TEKTL1: variants seen among roughly 807,000 people sequenced by gnomAD.
TEKTL1 encodes the protein tektin-like protein 1.
chr19:15,013,801 A>C, the TEKTL1 span: 8 of 1,502,636 alleles, frequency 5.3e-6, no homozygotes, highest in Non-Finnish European at 7.4e-6. Context: ...TGGACAAGTT[A>C]CGGGGGCTGG....
the TEKTL1 span, chr19:15,023,058 T>C: frequency 5.6e-6 from 9 of 1,611,672 alleles, no homozygotes; most frequent in Admixed American, 1.2e-4. Context: ...GCGCAGCGCC[T>C]GGTTAAGGAC....
At chr19:15,022,014 A>C in the TEKTL1 span, 1 of 977,576 alleles carries the variant, frequency 1.0e-6, no homozygotes, top group Non-Finnish European at 1.5e-6. Flanking sequence ...TCCCCCTCTC[A>C]CCCAAGTCGG....
chr19:15,021,216 C>A, the TEKTL1 span: 2 of 1,078,532 alleles, frequency 1.9e-6, no homozygotes, highest in South Asian at 1.6e-5. Context: ...CTATCCCCCG[C>A]GCCCCCTGGA....
At chr19:15,020,527 A>G in the TEKTL1 span, 2 of 1,613,940 alleles carry the variant, frequency 1.2e-6, no homozygotes, top group Non-Finnish European at 1.7e-6. Context: ...CGTGGACCTC[A>G]TGAACCAGCC....
the TEKTL1 span, chr19:15,013,817 G>A: frequency 3.0e-6 from 4 of 1,348,912 alleles, no homozygotes; most frequent in East Asian, 4.8e-5. Context: ...GCTGGAGGGG[G>A]ATCCCTGGCT....
chr19:15,013,926 G>C, the TEKTL1 span: 1 of 610,730 alleles, frequency 1.6e-6, no homozygotes, highest in East Asian at 2.8e-5. Flanking sequence ...TTGTGAAATG[G>C]AAAAAGGGAG....
chr19:15,020,454 C>A, the TEKTL1 span: 1 of 1,611,952 alleles, frequency 6.2e-7, no homozygotes, highest in Non-Finnish European at 8.5e-7. Flanking sequence ...CTCCCCTCCC[C>A]ACCCAGACCC....
the TEKTL1 span, among the ~76,000 whole-genome samples, chr19:15,018,732 A>ATATAT: frequency 3.1e-4 from 24 of 78,436 alleles, no homozygotes; most frequent in Non-Finnish European, 4.6e-4. Flanking sequence ...ATATATATAT[A>ATATAT]ACTTCCCTGG....
the TEKTL1 span, among the ~76,000 whole-genome samples, chr19:15,014,124 C>T: frequency 6.6e-6 from 1 of 152,174 alleles, no homozygotes; most frequent in African/African-American, 2.4e-5. Context: ...TCAGTGAAAG[C>T]GCTGTGGTTT....
chr19:15,019,112 C>T, the TEKTL1 span, among the ~76,000 whole-genome samples: 5 of 152,018 alleles, frequency 3.3e-5, no homozygotes, highest in African/African-American at 1.2e-4. Flanking sequence ...TCACACCTTG[C>T]TAATTTTTTG....
At chr19:15,022,397 T>C in the TEKTL1 span, among the ~76,000 whole-genome samples, 798 of 152,168 alleles carry the variant, frequency 5.2e-3, 3 homozygotes, top group African/African-American at 0.018. Context: ...GGTGCAATCT[T>C]GGCTCACTGC....
chr19:15,011,021 G>T, the TEKTL1 span: 1 of 1,582,312 alleles, frequency 6.3e-7, no homozygotes, highest in African/African-American at 1.3e-5. Context: ...CGGCCGCGCC[G>T]CCTACATCCA....
chr19:15,021,867 T>C, the TEKTL1 span: 1 of 1,614,038 alleles, frequency 6.2e-7, no homozygotes, highest in Non-Finnish European at 8.5e-7. Context: ...CTGGTTCGCA[T>C]GTACCAGAGA....
the TEKTL1 span, chr19:15,021,571 C>G: frequency 6.2e-7 from 1 of 1,613,324 alleles, no homozygotes; most frequent in Non-Finnish European, 8.5e-7. Flanking sequence ...GGAGGAGACG[C>G]GGACTGGGAG....
the TEKTL1 span, chr19:15,021,880 C>T: frequency 5.6e-6 from 9 of 1,613,902 alleles, no homozygotes; most frequent in African/African-American, 2.7e-5. Context: ...ACCAGAGACA[C>T]GTGGGCACCC....
At chr19:15,020,220 A>C in the TEKTL1 span, among the ~76,000 whole-genome samples, 36 of 151,410 alleles carry the variant, frequency 2.4e-4, no homozygotes, top group Admixed American at 2.1e-3. Flanking sequence ...AGGCAGGAGG[A>C]TTACTTGAGC....
At chr19:15,023,232 C>A in the TEKTL1 span, 15 of 880,246 alleles carry the variant, frequency 1.7e-5, no homozygotes, top group Admixed American at 2.6e-4. Context: ...CCTCCAAGCA[C>A]CCTCTAGGAG....
the TEKTL1 span, chr19:15,021,794 G>A: frequency 6.2e-7 from 1 of 1,613,230 alleles, no homozygotes; most frequent in Non-Finnish European, 8.5e-7. Flanking sequence ...CTTGCACACC[G>A]CACCCCACCA....
the TEKTL1 span, among the ~76,000 whole-genome samples, chr19:15,019,964 A>G: frequency 1.3e-5 from 2 of 148,940 alleles, no homozygotes; most frequent in South Asian, 2.3e-4. Flanking sequence ...TCTCAAAACA[A>G]AAAAAAATAA....
Sources: gnomAD v4.1 joint callset for allele counts (sites outside exome capture counted in the v4.1 genomes callset) on GRCh38, gnomAD v4.1.1 for gene constraint, MANE v1.5 for transcripts, NCBI Gene and HGNC (gene_info 2026-07-23, HGNC 2026-07-21) for gene names.